Variants in ATOSA observed in about 807,000 individuals in gnomAD.
ATOSA encodes atos homolog protein A.
the ATOSA span, among the ~76,000 whole-genome samples, chr15:52,709,079 G>T: frequency 6.6e-6 from 1 of 152,004 alleles, no homozygotes; most frequent in Non-Finnish European, 1.5e-5. Flanking sequence ...TTAAAAAACA[G>T]AAAAAAGAAA....
the ATOSA span, among the ~76,000 whole-genome samples, chr15:52,662,648 T>C: frequency 6.6e-6 from 1 of 151,422 alleles, no homozygotes; most frequent in Non-Finnish European, 1.5e-5. Flanking sequence ...CGGGTGCCTG[T>C]AGTCCCAGCT....
chr15:52,625,071 G>A, the ATOSA span, among the ~76,000 whole-genome samples: 1 of 152,070 alleles, frequency 6.6e-6, no homozygotes, highest in Non-Finnish European at 1.5e-5. Flanking sequence ...GAGCCACTGT[G>A]CCTGGCCATG....
the ATOSA span, chr15:52,677,911 G>T: frequency 6.7e-7 from 1 of 1,483,442 alleles, no homozygotes; most frequent in Non-Finnish European, 9.4e-7. Flanking sequence ...TACAGAAATA[G>T]TTGATCCTAC....
At chr15:52,665,729 C>T in the ATOSA span, among the ~76,000 whole-genome samples, 1 of 152,092 alleles carries the variant, frequency 6.6e-6, no homozygotes, top group Non-Finnish European at 1.5e-5. Flanking sequence ...AAACTTGAAG[C>T]TTAAGTATCC....
chr15:52,680,396 T>A, the ATOSA span, among the ~76,000 whole-genome samples: 1 of 152,192 alleles, frequency 6.6e-6, no homozygotes, highest in Non-Finnish European at 1.5e-5. Context: ...TAATTTTGCA[T>A]AAAAGGATCA....
At chr15:52,627,762 G>A in the ATOSA span, among the ~76,000 whole-genome samples, 8 of 151,912 alleles carry the variant, frequency 5.3e-5, no homozygotes, top group African/African-American at 1.9e-4. Context: ...TTAATTAAGA[G>A]TTGTTAACAC....
the ATOSA span, among the ~76,000 whole-genome samples, chr15:52,626,012 T>C: frequency 7.9e-5 from 12 of 152,258 alleles, no homozygotes; most frequent in South Asian, 2.1e-4. Context: ...TTACAGGGAC[T>C]GAGTTATTAT....
At chr15:52,687,874 C>G in the ATOSA span, among the ~76,000 whole-genome samples, 9 of 152,156 alleles carry the variant, frequency 5.9e-5, no homozygotes, top group African/African-American at 1.7e-4. Flanking sequence ...ATGAATTGCC[C>G]TAATGAAGAG....
chr15:52,662,851 A>T, the ATOSA span, among the ~76,000 whole-genome samples: 1 of 152,122 alleles, frequency 6.6e-6, no homozygotes, highest in Non-Finnish European at 1.5e-5. Flanking sequence ...AAAATAAAAC[A>T]CAAATCCTTC....
chr15:52,602,742 C>T, the ATOSA span, among the ~76,000 whole-genome samples: 1 of 152,154 alleles, frequency 6.6e-6, no homozygotes, highest in Admixed American at 6.5e-5. Flanking sequence ...CATTTTCCCC[C>T]TCTCTCATTT....
chr15:52,590,610 T>A, the ATOSA span: 2 of 152,212 alleles, frequency 1.3e-5, no homozygotes, highest in Non-Finnish European at 2.9e-5. Context: ...GTGTTTTATG[T>A]CTTCGCTCTG....
the ATOSA span, among the ~76,000 whole-genome samples, chr15:52,597,208 CTATTCTAT>C: frequency 2.9e-4 from 2 of 7,006 alleles, no homozygotes; most frequent in African/African-American, 6.4e-4. Context: ...CTATTCTATT[CTATTCTAT>C]TCTATTCTAT....
the ATOSA span, among the ~76,000 whole-genome samples, chr15:52,686,645 C>A: frequency 1.3e-5 from 2 of 152,192 alleles, no homozygotes; most frequent in Admixed American, 1.3e-4. Flanking sequence ...AACCCCAAAG[C>A]TCAATTAGGC....
the ATOSA span, among the ~76,000 whole-genome samples, chr15:52,593,923 A>T: frequency 6.6e-6 from 1 of 152,178 alleles, no homozygotes; most frequent in Non-Finnish European, 1.5e-5. Context: ...TTTTCATCTG[A>T]CTTGAAGTCA....
At chr15:52,670,045 T>A in the ATOSA span, among the ~76,000 whole-genome samples, 1 of 152,222 alleles carries the variant, frequency 6.6e-6, no homozygotes, top group South Asian at 2.1e-4. Context: ...CCAGAAATAG[T>A]GGGCTGTGTT....
At chr15:52,688,887 GA>G in the ATOSA span, among the ~76,000 whole-genome samples, 1 of 152,188 alleles carries the variant, frequency 6.6e-6, no homozygotes, top group Non-Finnish European at 1.5e-5. Context: ...AAAAGAGAAG[GA>G]ATAACTTTGA....
the ATOSA span, among the ~76,000 whole-genome samples, chr15:52,640,196 T>C: frequency 2.0e-5 from 3 of 152,208 alleles, no homozygotes; most frequent in Non-Finnish European, 4.4e-5. Flanking sequence ...TAGTCATTCA[T>C]GTACAATTAC....
At chr15:52,586,927 T>C in the ATOSA span, 1 of 736,172 alleles carries the variant, frequency 1.4e-6, no homozygotes, top group Non-Finnish European at 2.0e-6. Context: ...AACTGTCATA[T>C]GCTATTTTTC....
At chr15:52,609,350 T>TA in the ATOSA span, 1 of 1,614,022 alleles carries the variant, frequency 6.2e-7, no homozygotes, top group Non-Finnish European at 8.5e-7. Context: ...TATGAACTCC[T>TA]AAACACTTTA....
Sources: allele counts gnomAD v4.1 joint callset (sites outside exome capture counted in the v4.1 genomes callset), GRCh38; gene constraint gnomAD v4.1.1; transcripts MANE v1.5; gene names NCBI Gene and HGNC (gene_info 2026-07-23, HGNC 2026-07-21).